The following LARP1 variants were observed in gnomAD, a reference collection of about 807,000 sequenced individuals.
The protein encoded by LARP1 is la-related protein 1.
A neutral mutation model predicts 122.7 loss-of-function variants in LARP1; 36 were observed. The observed-to-expected ratio is 0.29, with a 90% CI of 0.22 to 0.39. The LOEUF (loss-of-function observed/expected upper bound fraction) is 0.39, where lower values mean the gene tolerates loss of function less well. Ranked by LOEUF, LARP1 falls within the 10% of genes least tolerant of loss-of-function variation. LARP1 has a pLI of 1.00. For missense variants in LARP1, 1,040 were observed against 1,403.6 expected (o/e 0.74, Z 4.14); for synonymous variants, 539 against 528.7 (o/e 1.02, Z -0.27).
At chr5:154,701,590 G>A (rs371746466) in intron 1 of LARP1, among the ~76,000 whole-genome samples, 6 of 151,676 alleles carry the variant, frequency 4.0e-5, no homozygotes, top group African/African-American at 1.5e-4. Flanking sequence ...CAATTCTGGG[G>A]ATATGGTCCG....
chr5:154,799,676 T>C lies in LARP1; in HGVS notation c.1463T>C (p.Ile488Thr). 1 of 1,614,182 alleles carries C rather than the reference T, an allele frequency of 6.2e-7. No individual in the cohort carries two copies. Among genetic ancestry groups the C allele is most frequent in the Non-Finnish European group, 8.5e-7 (1 of 1,180,020 alleles). ...EEPEKWPLPP[I>T]VDYSQTDFSQ... ...CCAGAAAAGTGGCCTCTTCCCCCAATAGTGGATTATTCACAGACTGATTTC... is the reference window on the plus strand; with the variant it reads ...CCAGAAAAGTGGCCTCTTCCCCCAACAGTGGATTATTCACAGACTGATTTC... The change falls in exon 9 of 19, where the codon ATA becomes ACA. Residue 488 changes from isoleucine to threonine, a missense_variant. By Grantham distance (89) the Ile-to-Thr change is moderately conservative (BLOSUM62 -1). Around this residue, in one of 8 missense-constraint regions of LARP1, gnomAD observed 362 missense variants for 533.1 expected, o/e 0.68. Coordinates refer to ENST00000518297, the MANE Select transcript of LARP1 (RefSeq NM_033551.3).
intron 1 of LARP1, among the ~76,000 whole-genome samples, chr5:154,696,680 C>A (rs1754484150): frequency 6.6e-6 from 1 of 152,130 alleles, no homozygotes. Context: ...GCAGAAGAAG[C>A]AGTTGGTTCT....
intron 3 of LARP1, chr5:154,791,807 T>A: frequency 3.1e-6 from 1 of 324,846 alleles, no homozygotes; most frequent in South Asian, 2.5e-5. Context: ...GCATTCGGTT[T>A]TTTAAAGTCC....
At chr5:154,765,388 C>T (rs1195161012) in intron 1 of LARP1, among the ~76,000 whole-genome samples, 4 of 152,248 alleles carry the variant, frequency 2.6e-5, no homozygotes, top group African/African-American at 9.6e-5. Context: ...CTTAGTTCTC[C>T]CCACTGCCCC....
chr5:154,760,075 G>T (rs1754327600), intron 1 of LARP1, among the ~76,000 whole-genome samples: 1 of 152,098 alleles, frequency 6.6e-6, no homozygotes, highest in Non-Finnish European at 1.5e-5. Flanking sequence ...GAGTAGCTGG[G>T]ATTACAGGCA....
At chr5:154,740,341 C>T (rs548337209) in intron 1 of LARP1, among the ~76,000 whole-genome samples, 4 of 146,778 alleles carry the variant, frequency 2.7e-5, no homozygotes, top group Non-Finnish European at 5.9e-5. Context: ...TGCGATGAGC[C>T]GAAATCGTGC....
At chr5:154,748,684 T>C (rs1203150584) in intron 1 of LARP1, among the ~76,000 whole-genome samples, 1 of 152,234 alleles carries the variant, frequency 6.6e-6, no homozygotes, top group Admixed American at 6.5e-5. Context: ...CATGTCATTG[T>C]GCTATTATAT....
chr5:154,683,136 G>A (rs61630108), intron 1 of LARP1, among the ~76,000 whole-genome samples: 3,842 of 152,318 alleles, frequency 0.025, 152 homozygotes, highest in African/African-American at 0.082. Flanking sequence ...AAGGGGCCCG[G>A]GCCGCGGTGG....
At chr5:154,721,044 G>GA (rs962595316) in intron 1 of LARP1, among the ~76,000 whole-genome samples, 43 of 146,072 alleles carry the variant, frequency 2.9e-4, no homozygotes, top group African/African-American at 4.3e-4. Flanking sequence ...TTGTCTTAAA[G>GA]AAAAAAAAAA....
chr5:154,810,217 C>G (rs1240212918), intron 16 of LARP1, among the ~76,000 whole-genome samples: 1 of 151,778 alleles, frequency 6.6e-6, no homozygotes, highest in African/African-American at 2.4e-5. Context: ...AGGCAGATCA[C>G]TTGAGGTCAG....
chr5:154,712,478 T>C (rs1040910688), upstream of LARP1, among the ~76,000 whole-genome samples: 1 of 152,208 alleles, frequency 6.6e-6, no homozygotes, highest in African/African-American at 2.4e-5. Context: ...AGGACTCAGT[T>C]GTTCCACTGA....
At chr5:154,798,947 C>T (rs1205093026) in intron 8 of LARP1, among the ~76,000 whole-genome samples, 1 of 152,244 alleles carries the variant, frequency 6.6e-6, no homozygotes, top group African/African-American at 2.4e-5. Context: ...TCACCACAAC[C>T]TCCACCTCCT....
At chr5:154,790,545 G>C (rs1014110261) in intron 2 of LARP1, 100 bp from the exon 3 acceptor site, 1 of 1,380,826 alleles carries the variant, frequency 7.2e-7, no homozygotes, top group African/African-American at 1.4e-5. Flanking sequence ...CTGGTGAACA[G>C]ACTGATTTGG....
At chr5:154,715,712 G>T (rs548709305) in intron 1 of LARP1, among the ~76,000 whole-genome samples, 2 of 152,274 alleles carry the variant, frequency 1.3e-5, no homozygotes, top group South Asian at 4.1e-4. Flanking sequence ...GAGTTCCAGG[G>T]ACACCGAATG....
intron 1 of LARP1, among the ~76,000 whole-genome samples, chr5:154,786,955 C>T (rs2113750351): frequency 6.6e-6 from 1 of 152,066 alleles, no homozygotes. Context: ...CTCTGCTCAC[C>T]ACAACCTCCT....
rs1326651571 is a variant in LARP1 at position 154,703,863 on chromosome 5, C to T, written c.-180+20826C>T. ...CTCGAACTCCTGACCTCAGGTGATC[C>T]GCCCTCCTCAGCCTGCCAAAGTGCT... On this transcript the variant is annotated intron_variant, in intron 1 of 18. Transcript: ENST00000687700. Among the ~76,000 whole-genome samples, 14 of 152,204 alleles carry T rather than the reference C, an allele frequency of 9.2e-5. No individual in the cohort carries two copies. In the South Asian group the frequency reaches 1.2e-3, roughly 14 times the overall value.
intron 1 of LARP1, among the ~76,000 whole-genome samples, chr5:154,769,970 G>A (rs1284519631): frequency 2.0e-5 from 3 of 152,218 alleles, no homozygotes; most frequent in Non-Finnish European, 4.4e-5. Flanking sequence ...CTGTATGAAT[G>A]AGGGGAGAGA....
At chr5:154,687,720 A>G (rs1754002720) in intron 1 of LARP1, among the ~76,000 whole-genome samples, 1 of 152,130 alleles carries the variant, frequency 6.6e-6, no homozygotes. Context: ...CACTCATGCC[A>G]GAGCTTTGGA....
chr5:154,688,361 A>T (rs1163753657), intron 1 of LARP1, among the ~76,000 whole-genome samples: 1 of 152,140 alleles, frequency 6.6e-6, no homozygotes, highest in Non-Finnish European at 1.5e-5. Context: ...CATCTTAAAA[A>T]AAAAATTAGC....
Sources: gnomAD v4.1 joint callset for allele counts (sites outside exome capture counted in the v4.1 genomes callset) on GRCh38, gnomAD v4.1.1 for gene constraint, gnomAD v4.1.1 regional missense constraint, MANE v1.5 for transcripts, NCBI Gene and HGNC (gene_info 2026-07-23, HGNC 2026-07-21) for gene names.